KRT73: variants seen among roughly 807,000 people sequenced by gnomAD.
KRT73 encodes the protein keratin, type II cytoskeletal 73.
KRT73 carries 44 observed loss-of-function variants against 47.2 expected under a neutral mutation model. The ratio of observed to expected loss-of-function variants is 0.93; its 90% CI spans 0.73 to 1.20. KRT73 has a LOEUF of 1.20. Ranked by LOEUF, KRT73 falls within the 50% of genes most tolerant of loss-of-function variation. The pLI is 0.00. For missense variants in KRT73, 713 were observed against 704.5 expected (o/e 1.01, Z -0.14); for synonymous variants, 285 against 291.3 (o/e 0.98, Z 0.22).
chr12:52,611,195 C>A lies in KRT73; in HGVS notation c.1110+9G>T. 4 of 1,614,110 alleles carry A rather than the reference C, an allele frequency of 2.5e-6. No homozygotes were observed. The highest frequency in any genetic ancestry group is 3.4e-6 in the Non-Finnish European group (4 of 1,180,002). ...AGGAGTGAGTAAGGAAGGCTCCAGT[C>A]CCCTTCACCTGCTTCTTCACACTCT... On this transcript the variant is annotated intron_variant, in intron 6 of 8. Coordinates refer to ENST00000305748, the MANE Select transcript of KRT73 (RefSeq NM_175068.3).
rs1565629909 is a variant in KRT73 at position 52,614,646 on chromosome 12, A to C, written c.752T>G (p.Val251Gly). The C allele has an allele frequency of 6.2e-7, 1 of 1,613,828 alleles. No individual in the cohort carries two copies. The highest frequency in any genetic ancestry group is 8.5e-7 in the Non-Finnish European group (1 of 1,179,910). Residue 251 changes from valine to glycine, a missense_variant, in exon 4 of 9, where the codon GTG (valine) becomes GGG (glycine). Physicochemically the swap from Val to Gly is moderately radical, Grantham distance 109 (BLOSUM62 -3). Transcript: ENST00000305748. ...GGCATCCACCTTGGCCTGCAGCTCC[A>C]CTTTGCTCGTGTAAGCTGCGTCCAC... ...KDVDAAYTSK[V>G]ELQAKVDALD...
chr12:52,610,177 G>C (rs1351187284), intron 7 of KRT73: 1 of 197,542 alleles, frequency 5.1e-6, no homozygotes, highest in East Asian at 1.3e-4. Flanking sequence ...CTGGGTTCAA[G>C]CGATTCTCCT....
chr12:52,628,170 G>A, the KRT73 span, among the ~76,000 whole-genome samples: 1 of 152,116 alleles, frequency 6.6e-6, no homozygotes, highest in African/African-American at 2.4e-5. Flanking sequence ...TAGCCCAGCA[G>A]GTCACACTGG....
At chr12:52,614,384 G>A in intron 4 of KRT73, 195 bp downstream of exon 4, 1 of 508,464 alleles carries the variant, frequency 2.0e-6, no homozygotes. Context: ...GTGAAAGCAG[G>A]ACATCCTCAG....
At chr12:52,611,773 G>T (rs1018618095) in intron 5 of KRT73, among the ~76,000 whole-genome samples, 1 of 152,070 alleles carries the variant, frequency 6.6e-6, no homozygotes, top group African/African-American at 2.4e-5. Flanking sequence ...TTTTGTCTCT[G>T]AGTCTTTGCC....
chr12:52,621,291 G>GAAA (rs796695545), upstream of KRT73, among the ~76,000 whole-genome samples: 2 of 44,318 alleles, frequency 4.5e-5, no homozygotes, highest in East Asian at 8.6e-4. Flanking sequence ...GAGAAAGAAA[G>GAAA]GGGGGGGGGG....
upstream of KRT73, among the ~76,000 whole-genome samples, chr12:52,621,906 A>G (rs1437552307): frequency 6.6e-6 from 1 of 152,118 alleles, no homozygotes; most frequent in East Asian, 1.9e-4. Flanking sequence ...TGCCTGACCC[A>G]CTTGGTACCA....
intron 8 of KRT73, 37 bp from the exon 9 acceptor site, chr12:52,608,489 C>A (rs752069018): frequency 3.0e-5 from 47 of 1,548,274 alleles, no homozygotes; most frequent in Non-Finnish European, 3.8e-5. Context: ...CAGTGTATAT[C>A]CCAGGACAGA....
At chr12:52,623,876 T>C in the KRT73 span, among the ~76,000 whole-genome samples, 1 of 151,958 alleles carries the variant, frequency 6.6e-6, no homozygotes, top group East Asian at 1.9e-4. Flanking sequence ...CTTAAAAATG[T>C]TCAAGTAACC....
At chr12:52,616,417 G>A (rs1940815791) in intron 1 of KRT73, 37 bp from the exon 2 acceptor site, 1 of 1,608,494 alleles carries the variant, frequency 6.2e-7, no homozygotes, top group Non-Finnish European at 8.5e-7. Context: ...GCAATGTGGA[G>A]AGGGGATGTG....
chr12:52,614,691 T>C lies in KRT73; in HGVS notation c.724-17A>G. ...GTCCACGTCCTATGGAGAATCCAGATACCCCTGACCTCACCTTTCTTCAAG... is the reference window on the plus strand; with the variant it reads ...GTCCACGTCCTATGGAGAATCCAGACACCCCTGACCTCACCTTTCTTCAAG... On this transcript the variant is annotated splice_polypyrimidine_tract_variant and intron_variant, in intron 3 of 8. Coordinates refer to ENST00000305748, the MANE Select transcript of KRT73 (RefSeq NM_175068.3). 6.2e-7 allele frequency: 1 copy of C among 1,607,104 alleles called. No individual in the cohort carries two copies. The highest frequency in any genetic ancestry group is 8.5e-7 in the Non-Finnish European group (1 of 1,175,770).
In KRT73 at chr12:52,618,085, A is replaced by C; in HGVS notation, c.440T>G (p.Ile147Ser). 6.2e-7 allele frequency: 1 copy of C among 1,613,584 alleles called. No individual in the cohort carries two copies. Among genetic ancestry groups the C allele is most frequent in the Non-Finnish European group, 8.5e-7 (1 of 1,179,846 alleles). Reference sequence around the variant, plus strand: ...TTCTCCAGAAAGACCCACCTTGTCAATGAAGGAGGCGAACTTGTTGTTCAG... The same window carrying C: ...TTCTCCAGAAAGACCCACCTTGTCACTGAAGGAGGCGAACTTGTTGTTCAG... ...KVLNNKFASF[I>S]DKVRFLEQQN... Residue 147 changes from isoleucine to serine, a missense_variant, in exon 1 of 9, where the codon ATT (isoleucine) becomes AGT (serine). Coordinates refer to ENST00000305748, the MANE Select transcript of KRT73 (RefSeq NM_175068.3).
intron 5 of KRT73, chr12:52,613,252 T>C (rs1940739105): frequency 6.4e-6 from 1 of 155,672 alleles, no homozygotes; most frequent in Admixed American, 6.2e-5. Flanking sequence ...GCTTTATCCT[T>C]GGAGTTAGAC....
chr12:52,620,665 G>A (rs191198764), upstream of KRT73, among the ~76,000 whole-genome samples: 5 of 150,404 alleles, frequency 3.3e-5, no homozygotes, highest in African/African-American at 9.9e-5. Context: ...ATGTGCTTAC[G>A]AGCAAACAGC....
chr12:52,621,545 A>G (rs1940907169), upstream of KRT73, among the ~76,000 whole-genome samples: 1 of 152,152 alleles, frequency 6.6e-6, no homozygotes, highest in Non-Finnish European at 1.5e-5. Context: ...TAGGTTTTCT[A>G]TTTGTCTCCT....
At chr12:52,627,228 T>C in the KRT73 span, among the ~76,000 whole-genome samples, 1 of 152,232 alleles carries the variant, frequency 6.6e-6, no homozygotes, top group African/African-American at 2.4e-5. Flanking sequence ...CTCTTGTTCC[T>C]GAGATGCTCT....
chr12:52,610,627 C>T lies in KRT73; in HGVS notation c.1319G>A (p.Gly440Asp). The T allele has an allele frequency of 6.2e-7, 1 of 1,612,370 alleles. No individual in the cohort carries two copies. Among genetic ancestry groups the T allele is most frequent in the African/African-American group, 1.3e-5 (1 of 74,602 alleles). Residue 440 changes from glycine (G) to aspartate (D), a missense_variant, in exon 7 of 9, where the codon GGC becomes GAC. By Grantham distance (94) the Gly-to-Asp change is moderately conservative. Transcript: ENST00000305748. ...EIATYRKLLE[G>D]EECRMSGEYT... ...CGGTCCCACCCACCTGCACTCCTCG[C>T]CCTCCAGCAGCTTGCGGTAGGTGGC...
chr12:52,614,234 T>C, intron 4 of KRT73: 1 of 340,004 alleles, frequency 2.9e-6, no homozygotes, highest in Non-Finnish European at 5.3e-6. Context: ...GTATGAGGAC[T>C]TCCTACCTCT....
In KRT73 at chr12:52,611,287, G is replaced by A. The variant is rs144353604; in HGVS notation, c.1027C>T (p.Leu343=). The change falls in exon 6 of 9, where the codon CTG becomes TTG. Residue 343 remains leucine (L), a synonymous_variant. Transcript: ENST00000305748. ...GAGATCTCATTTTTGGTGTGTTTCA[G>A]GTCATCCCCATGCCGGCCGGCTGCT... is the stretch of plus-strand genomic sequence containing the variant. ...QLAAGRHGDD[L]KHTKNEISEL... is the part of the protein sequence containing the mutation. 11 of 1,614,000 alleles carry A rather than the reference G, an allele frequency of 6.8e-6. No homozygotes were observed. In the Admixed American group the frequency reaches 1.0e-4, roughly 15 times the overall value.
Sources: gnomAD v4.1 joint callset for allele counts (sites outside exome capture counted in the v4.1 genomes callset) on GRCh38, gnomAD v4.1.1 for gene constraint, MANE v1.5 for transcripts, NCBI Gene and HGNC (gene_info 2026-07-23, HGNC 2026-07-21) for gene names.